Variants in CLEC14A observed in about 807,000 individuals in gnomAD.
CLEC14A encodes C-type lectin domain containing 14A, also known as C-type lectin domain family 14 member A.
For synonymous variants in CLEC14A, 349 were observed against 292.0 expected, an observed-to-expected ratio of 1.20 and a Z score of -1.99; for missense variants, 682 against 659.9, an observed-to-expected ratio of 1.03 and a Z score of -0.37.
rs755702621 is a variant in CLEC14A, at chr14:38,255,109, C to A, written c.914G>T (p.Arg305Leu). 3.7e-6 allele frequency: 6 copies of A among 1,612,224 alleles called. No individual in the cohort carries two copies. The highest frequency in any genetic ancestry group is 3.4e-6 in the Non-Finnish European group (4 of 1,180,000). ...TLGGTGVPTRRPPATATSPVP... is the reference protein window; with the variant it reads ...TLGGTGVPTRLPPATATSPVP... ...GGGGCTGGTTGCAGTGGCCGGCGGGCGCCTGGTGGGCACCCCGGTCCCCCC... is the reference window on the plus strand; with the variant it reads ...GGGGCTGGTTGCAGTGGCCGGCGGGAGCCTGGTGGGCACCCCGGTCCCCCC... The change falls in exon 1 of 1, where the codon CGC (arginine) becomes CTC (leucine). Residue 305 changes from arginine (R) to leucine (L), a missense_variant. By Grantham distance (102) the Arg-to-Leu change is moderately radical. Coordinates refer to ENST00000342213, the MANE Select transcript of CLEC14A (RefSeq NM_175060.3). This position sits in a 1 kb window ranked among gnomAD's most constrained non-coding sequence, Gnocchi z 5.1.
chr14:38,255,372 C>T lies in CLEC14A; in HGVS notation c.651G>A (p.Arg217=), dbSNP rs1884026800. 4.3e-6 allele frequency: 7 copies of T among 1,613,420 alleles called. No homozygotes were observed. The highest frequency in any genetic ancestry group is 5.1e-6 in the Non-Finnish European group (6 of 1,180,050). The change falls in exon 1 of 1, where the codon CGG becomes CGA. Residue 217 remains arginine (R), a synonymous_variant. Transcript: ENST00000342213. This position sits in a 1 kb window ranked among gnomAD's most constrained non-coding sequence, Gnocchi z 5.1. ...PPGTEVSALC[R]GQLPISVTCI... Reference sequence around the variant, plus strand: ...AAGTAACTGAGATCGGGAGCTGTCCCCGGCAGAGCGCACTCACCTCGGTCC... The same window carrying T: ...AAGTAACTGAGATCGGGAGCTGTCCTCGGCAGAGCGCACTCACCTCGGTCC...
Position 38,255,277 on chromosome 14 carries a change from C to A in CLEC14A, c.746G>T (p.Arg249Met). 1.2e-6 allele frequency: 2 copies of A among 1,613,818 alleles called. No individual in the cohort carries two copies. The highest frequency in any genetic ancestry group is 1.7e-6 in the Non-Finnish European group (2 of 1,180,046). ...SGDVLCPCPG[R>M]YLRAGKCAEL... The stretch of plus-strand genomic sequence containing the variant: ...TGCGCATTTGCCAGCACGGAGGTAC[C>A]TCCCGGGGCAGGGACACAACACATC... Residue 249 changes from arginine to methionine, a missense_variant, in exon 1 of 1, where the codon AGG (arginine) becomes ATG (methionine). By Grantham distance (91) the Arg-to-Met change is moderately conservative. Transcript: ENST00000342213. This position sits in a 1 kb window ranked among gnomAD's most constrained non-coding sequence, Gnocchi z 5.1.
Position 38,255,943 on chromosome 14 carries a change from T to G in CLEC14A, c.80A>C (p.Asp27Ala). 7 of 1,563,662 alleles carry G rather than the reference T, an allele frequency of 4.5e-6. No individual in the cohort carries two copies. Among genetic ancestry groups the G allele is most frequent in the Non-Finnish European group, 6.0e-6 (7 of 1,157,954 alleles). Residue 27 changes from aspartate to alanine, a missense_variant, in exon 1 of 1, where the codon GAC (aspartate) becomes GCC (alanine). Asp to Ala is a moderately radical substitution (Grantham distance 126, BLOSUM62 -2). Transcript: ENST00000342213. This position sits in a 1 kb window ranked among gnomAD's most constrained non-coding sequence, Gnocchi z 5.1. Reference protein sequence around the residue: ...GPGGGEHPTADRAGCSASGAC... With the variant: ...GPGGGEHPTAARAGCSASGAC... The stretch of plus-strand genomic sequence containing the variant: ...CCCCGAGGCCGAGCAGCCAGCACGG[T>G]CGGCAGTGGGGTGTTCGCCGCCGCC...
rs1250508269 is a variant in CLEC14A, at chr14:38,255,209, C to G, written c.814G>C (p.Glu272Gln). 6.2e-7 allele frequency: 1 copy of G among 1,613,898 alleles called. No homozygotes were observed. The highest frequency in any genetic ancestry group is 8.5e-7 in the Non-Finnish European group (1 of 1,180,034). Residue 272 changes from glutamate (E) to glutamine (Q), a missense_variant, in exon 1 of 1, where the codon GAA becomes CAA. Transcript: ENST00000342213. This position sits in a 1 kb window ranked among gnomAD's most constrained non-coding sequence, Gnocchi z 5.1. ...CLDDLGGFAC[E>Q]CATGFELGKD... ...CCCAGCTCGAAGCCCGTAGCACATT[C>G]GCAGGCAAAGCCTCCCAAGTCGTCT...
In CLEC14A at chr14:38,254,674, G is replaced by A; in HGVS notation, c.1349C>T (p.Ala450Val). 6.2e-7 allele frequency: 1 copy of A among 1,614,174 alleles called. No individual in the cohort carries two copies. The highest frequency in any genetic ancestry group is 1.3e-5 in the African/African-American group (1 of 75,048). Residue 450 changes from alanine (A) to valine (V), a missense_variant, in exon 1 of 1, where the codon GCT (alanine) becomes GTT (valine). By Grantham distance (64) the Ala-to-Val change is moderately conservative (BLOSUM62 0). Coordinates refer to ENST00000342213, the MANE Select transcript of CLEC14A (RefSeq NM_175060.3). ...PPGLESDPEP[A>V]ALGSSSAHCT... ...ATGTGCAGAACTGGAGCCCAAAGCAGCGGGCTCAGGATCACTCTCCAGGCC... is the reference window on the plus strand; with the variant it reads ...ATGTGCAGAACTGGAGCCCAAAGCAACGGGCTCAGGATCACTCTCCAGGCC...
At position 38,255,013 on chromosome 14, in the gene CLEC14A, T is replaced by G; in HGVS notation, c.1010A>C (p.Asp337Ala). 6.2e-7 allele frequency: 1 copy of G among 1,614,018 alleles called. No individual in the cohort carries two copies. Among genetic ancestry groups the G allele is most frequent in the Non-Finnish European group, 8.5e-7 (1 of 1,180,020 alleles). Residue 337 changes from aspartate (D) to alanine (A), a missense_variant, in exon 1 of 1, where the codon GAC (aspartate) becomes GCC (alanine). Physicochemically the swap from Asp to Ala is moderately radical, Grantham distance 126 (BLOSUM62 -2). Transcript: ENST00000342213. This position sits in a 1 kb window ranked among gnomAD's most constrained non-coding sequence, Gnocchi z 5.1. The stretch of plus-strand genomic sequence containing the variant: ...CTCAGGAATAGATGTTACTGAATTG[T>G]CTTGTTCAGGGACAAGTGGTGTCTC... ...LGETPLVPEQ[D>A]NSVTSIPEIP... is the part of the protein sequence containing the mutation.
chr14:38,255,868 T>C lies in CLEC14A; in HGVS notation c.155A>G (p.Glu52Gly), dbSNP rs1351273841. The C allele has an allele frequency of 4.5e-6, 7 of 1,555,290 alleles. No individual in the cohort carries two copies. The highest frequency in any genetic ancestry group is 6.0e-6 in the Non-Finnish European group (7 of 1,158,278). The change falls in exon 1 of 1, where the codon GAG (glutamate) becomes GGG (glycine). Residue 52 changes from glutamate (E) to glycine (G), a missense_variant. By Grantham distance (98) the Glu-to-Gly change is moderately conservative. Coordinates refer to ENST00000342213, the MANE Select transcript of CLEC14A (RefSeq NM_175060.3). The surrounding 1 kb of genome is among the most constrained non-coding windows in gnomAD (Gnocchi z 5.1). ...HATMKRQAAE[E>G]ACILRGGALS... ...CGCCCCACCTCGCAGGATGCAGGCC[T>C]CCTCGGCCGCCTGCCGCTTCATGGT...
In CLEC14A at chr14:38,255,983, G is replaced by A. The variant is rs1158396205; in HGVS notation, c.40C>T (p.Leu14Phe). Residue 14 changes from leucine to phenylalanine, a missense_variant, in exon 1 of 1, where the codon CTC (leucine) becomes TTC (phenylalanine). Transcript: ENST00000342213. This position sits in a 1 kb window ranked among gnomAD's most constrained non-coding sequence, Gnocchi z 5.1. ...AFALCLLWQA[L>F]WPGPGGGEHP... ...TCGCCGCCGCCCGGCCCGGGCCAGA[G>A]CGCCTGCCAGAGGAGGCACAGGGCG... 1 of 1,541,430 alleles carries A rather than the reference G, an allele frequency of 6.5e-7. No individual in the cohort carries two copies. Among genetic ancestry groups the A allele is most frequent in the Admixed American group, 2.0e-5 (1 of 50,238 alleles).
At position 38,254,842 on chromosome 14, in the gene CLEC14A, G is replaced by A. The variant is rs1566449387; in HGVS notation, c.1181C>T (p.Ser394Phe). 1 of 1,613,560 alleles carries A rather than the reference G, an allele frequency of 6.2e-7. No individual in the cohort carries two copies. Among genetic ancestry groups the A allele is most frequent in the East Asian group, 2.2e-5 (1 of 44,856 alleles). Residue 394 changes from serine to phenylalanine, a missense_variant, in exon 1 of 1, where the codon TCC becomes TTC. Ser to Phe is a radical substitution (Grantham distance 155). Coordinates refer to ENST00000342213, the MANE Select transcript of CLEC14A (RefSeq NM_175060.3). ...TSSATPQAFD[S>F]SSAVVFIFVS... ...AAATATGAAGACCACGGCAGAGGAG[G>A]AGTCGAAAGCCTGAGGAGTGGCAGA...
chr14:38,254,580 C>G lies in CLEC14A; in HGVS notation c.1443G>C (p.Ala481=), dbSNP rs777800789. ...LRDRAEGALL[A]ESPLGSSDA ...CATCACTAGAGCCAAGAGGGGACTC[C>G]GCCAGCAAGGCACCCTCTGCTCTGT... The change falls in exon 1 of 1, where the codon GCG becomes GCC. Residue 481 remains alanine (A), a synonymous_variant. Coordinates refer to ENST00000342213, the MANE Select transcript of CLEC14A (RefSeq NM_175060.3). The G allele has an allele frequency of 6.3e-7, 1 of 1,598,536 alleles. No homozygotes were observed. The highest frequency in any genetic ancestry group is 1.1e-5 in the South Asian group (1 of 89,624).
Position 38,256,069 on chromosome 14 carries a change from C to T in CLEC14A, c.-47G>A. Reference sequence around the variant, plus strand: ...AGCTGCTCCCAACTTGGATCTGTCCCGCTCGAGGACGCAGAGCTGTGTCTG... The same window carrying T: ...AGCTGCTCCCAACTTGGATCTGTCCTGCTCGAGGACGCAGAGCTGTGTCTG... On this transcript the variant is annotated 5_prime_UTR_variant, in exon 1 of 1. Coordinates refer to ENST00000342213, the MANE Select transcript of CLEC14A (RefSeq NM_175060.3). 1 of 1,457,858 alleles carries T rather than the reference C, an allele frequency of 6.9e-7. No individual in the cohort carries two copies. Among genetic ancestry groups the T allele is most frequent in the Non-Finnish European group, 9.1e-7 (1 of 1,104,112 alleles). The allele number at this position is 1,457,858 out of a possible 1,614,324, so 90.3% of individuals were successfully genotyped here. A position where few individuals can be genotyped will look rare whatever the true frequency, so the allele number is the denominator to read the frequency against.
Position 38,254,344 on chromosome 14 carries a change from T to C in CLEC14A, c.*206A>G, listed in dbSNP as rs1883995735. On this transcript the variant is annotated 3_prime_UTR_variant, in exon 1 of 1. Transcript: ENST00000342213. ...TCCCCAGCACTACCCGGTCCCCCAG[T>C]ATCACCATCCTAAAGGCACTTCCAC... The C allele has an allele frequency of 2.1e-6, 1 of 468,586 alleles. No individual in the cohort carries two copies. Among genetic ancestry groups the C allele is most frequent in the African/African-American group, 2.0e-5 (1 of 50,724 alleles). 29.0% of individuals were successfully genotyped at this position (468,586 alleles called of 1,614,324 possible).
rs1485112902 is a variant in CLEC14A at position 38,254,419 on chromosome 14, T to C, written c.*131A>G. On this transcript the variant is annotated 3_prime_UTR_variant, in exon 1 of 1. Coordinates refer to ENST00000342213, the MANE Select transcript of CLEC14A (RefSeq NM_175060.3). ...GTGCAGTTCTGATTTAGCTCCTCAG[T>C]GGAGTAAAGGGAATTTAGAGGAAGG... is the stretch of plus-strand genomic sequence containing the variant. 77 of 835,168 alleles carry C rather than the reference T, an allele frequency of 9.2e-5. No homozygotes were observed. Among genetic ancestry groups the C allele is most frequent in the Non-Finnish European group, 1.3e-4 (73 of 545,046 alleles). 51.7% of individuals were successfully genotyped at this position (835,168 alleles called of 1,614,324 possible).
rs1447236625 is a variant in CLEC14A, at chr14:38,255,000, T to A, written c.1023A>T (p.Thr341=). 1.2e-6 allele frequency: 2 copies of A among 1,613,960 alleles called. No homozygotes were observed. Among genetic ancestry groups the A allele is most frequent in the Non-Finnish European group, 1.7e-6 (2 of 1,180,020 alleles). The change falls in exon 1 of 1, where the codon ACA becomes ACT. Residue 341 remains threonine (T), a synonymous_variant. Transcript: ENST00000342213. Reference sequence around the variant, plus strand: ...CCCATCGAGGAATCTCAGGAATAGATGTTACTGAATTGTCTTGTTCAGGGA... The same window carrying A: ...CCCATCGAGGAATCTCAGGAATAGAAGTTACTGAATTGTCTTGTTCAGGGA... ...PLVPEQDNSV[T]SIPEIPRWGS...
In CLEC14A at chr14:38,255,028, A is replaced by G. The variant is rs746550618; in HGVS notation, c.995T>C (p.Leu332Pro). The G allele has an allele frequency of 6.2e-7, 1 of 1,613,812 alleles. No homozygotes were observed. Among genetic ancestry groups the G allele is most frequent in the South Asian group, 1.1e-5 (1 of 91,084 alleles). Residue 332 changes from leucine (L) to proline (P), a missense_variant, in exon 1 of 1, where the codon CTT becomes CCT. Leu to Pro is a moderately conservative substitution (Grantham distance 98, BLOSUM62 -3). Coordinates refer to ENST00000342213, the MANE Select transcript of CLEC14A (RefSeq NM_175060.3). This position sits in a 1 kb window ranked among gnomAD's most constrained non-coding sequence, Gnocchi z 5.1. ...TACTGAATTGTCTTGTTCAGGGACA[A>G]GTGGTGTCTCTCCCAGCTTCTCGTC... Reference protein sequence around the residue: ...RVDEKLGETPLVPEQDNSVTS... With the variant: ...RVDEKLGETPPVPEQDNSVTS...
At position 38,255,754 on chromosome 14, in the gene CLEC14A, A is replaced by T. The variant is rs756563478; in HGVS notation, c.269T>A (p.Leu90Gln). Residue 90 changes from leucine (L) to glutamine (Q), a missense_variant, in exon 1 of 1, where the codon CTG (leucine) becomes CAG (glutamine). By Grantham distance (113) the Leu-to-Gln change is moderately radical. Transcript: ENST00000342213. This position sits in a 1 kb window ranked among gnomAD's most constrained non-coding sequence, Gnocchi z 5.1. Reference protein sequence around the residue: ...GPGPGGGSKDLLFWVALERRR... With the variant: ...GPGPGGGSKDQLFWVALERRR... ...GCGCTCCAGTGCGACCCAGAACAGC[A>T]GGTCTTTGGAGCCCCCTCCGGGCCC... The T allele has an allele frequency of 1.9e-6, 3 of 1,549,252 alleles. No individual in the cohort carries two copies. The highest frequency in any genetic ancestry group is 2.4e-5 in the South Asian group (2 of 85,040).
At position 38,255,603 on chromosome 14, in the gene CLEC14A, C is replaced by T; in HGVS notation, c.420G>A (p.Ala140=). The part of the protein sequence containing the change: ...WVEEPQRSCT[A]RRCAVLQATG... ...TGGCCTGGAGTACCGCGCATCTCCG[C>T]GCGGTGCAGGAGCGTTGGGGCTCCT... The change falls in exon 1 of 1, where the codon GCG becomes GCA. Residue 140 remains alanine (A), a synonymous_variant. Transcript: ENST00000342213. This position sits in a 1 kb window ranked among gnomAD's most constrained non-coding sequence, Gnocchi z 5.1. The T allele has an allele frequency of 6.2e-7, 1 of 1,611,704 alleles. No homozygotes were observed. The highest frequency in any genetic ancestry group is 1.1e-5 in the South Asian group (1 of 91,060).
rs1884040049 is a variant in CLEC14A at position 38,255,660 on chromosome 14, G to A, written c.363C>T (p.Gly121=). ...RGFSWLSSDP[G]GLESDTLQWV... is the part of the protein sequence containing the mutation. ...ACTGCAGCGTGTCGCTTTCGAGACC[G>A]CCGGGGTCGGAGGACAGCCAGGAGA... The change falls in exon 1 of 1, where the codon GGC becomes GGT. Residue 121 remains glycine (G), a synonymous_variant. Transcript: ENST00000342213. The surrounding 1 kb of genome is among the most constrained non-coding windows in gnomAD (Gnocchi z 5.1). The A allele has an allele frequency of 1.2e-6, 2 of 1,602,716 alleles. No homozygotes were observed. The highest frequency in any genetic ancestry group is 1.3e-5 in the African/African-American group (1 of 74,948).
Position 38,255,581 on chromosome 14 carries a change from C to T in CLEC14A, c.442G>A (p.Ala148Thr), listed in dbSNP as rs545506864. 2.5e-6 allele frequency: 4 copies of T among 1,612,622 alleles called. No homozygotes were observed. Among genetic ancestry groups the T allele is most frequent in the Non-Finnish European group, 2.5e-6 (3 of 1,179,942 alleles). ...CCTGCGGGCTCGACCCCACCGGTGG[C>T]CTGGAGTACCGCGCATCTCCGCGCG... Reference protein sequence around the residue: ...CTARRCAVLQATGGVEPAGWK... With the variant: ...CTARRCAVLQTTGGVEPAGWK... Residue 148 changes from alanine to threonine, a missense_variant, in exon 1 of 1, where the codon GCC becomes ACC. Transcript: ENST00000342213. This position sits in a 1 kb window ranked among gnomAD's most constrained non-coding sequence, Gnocchi z 5.1.
Sources: allele counts gnomAD v4.1 joint callset, GRCh38; gene constraint gnomAD v4.1.1; non-coding constraint Gnocchi (gnomAD v3.1); transcripts MANE v1.5; gene names NCBI Gene and HGNC (gene_info 2026-07-23, HGNC 2026-07-21).